SLC25A53: variants seen among roughly 807,000 people sequenced by gnomAD.
The protein encoded by SLC25A53 is mitochondrial carrier triple repeat protein 6.
Under a neutral mutation model 15.0 loss-of-function variants are expected in SLC25A53, and 5 were observed. The observed-to-expected ratio is 0.33, with a 90% CI of 0.17 to 0.70. SLC25A53 has a LOEUF of 0.70. Ranked by LOEUF, SLC25A53 falls within the 30% of genes least tolerant of loss-of-function variation. The probability of loss-of-function intolerance (pLI) is 0.67; values close to 1 mark genes in which losing one functional copy is unlikely to be tolerated. For synonymous variants in SLC25A53, 95 were observed against 100.0 expected, an observed-to-expected ratio of 0.95 and a Z score of 0.30; for missense variants, 216 against 241.6, an observed-to-expected ratio of 0.89 and a Z score of 0.70.
chrX:104,129,348 C>G (rs1195135429), intron 1 of SLC25A53, among the ~76,000 whole-genome samples: 1 of 111,618 alleles, frequency 9.0e-6, no homozygotes, highest in Admixed American at 9.6e-5. Flanking sequence ...AGCGTTATAA[C>G]TCATGCCTGA....
At chrX:104,146,840 G>A (rs1237780455) in intron 1 of SLC25A53, among the ~76,000 whole-genome samples, 3 of 110,911 alleles carry the variant, frequency 2.7e-5, no homozygotes, top group African/African-American at 6.6e-5. Context: ...ATGCTCATGG[G>A]TAGGAAGAAT....
rs1378107628 is a variant in SLC25A53, at chrX:104,100,387, A to G, written c.*3947T>C. ...TGTGTTTAAACAGATATAGATATTT[A>G]TTACCTCCTTATTTTATTGGTCTCA... On this transcript the variant is annotated 3_prime_UTR_variant, in exon 2 of 2. Coordinates refer to ENST00000594199, the MANE Select transcript of SLC25A53 (RefSeq NM_001012755.5). 1.8e-5 allele frequency: 2 copies of G among 111,585 alleles called. No homozygotes were observed. The highest frequency in any genetic ancestry group is 6.5e-5 in the African/African-American group (2 of 30,729). 9.2% of individuals were successfully genotyped at this position (111,585 alleles called of 1,213,427 possible).
In SLC25A53 at chrX:104,100,270, A is replaced by G. The variant is rs181037101; in HGVS notation, c.*4064T>C. ...GTAGTTTATATTTAGAGAAAAATAT[A>G]TATCACGCATATATTGTGTTGTATG... On this transcript the variant is annotated 3_prime_UTR_variant, in exon 2 of 2. Coordinates refer to ENST00000594199, the MANE Select transcript of SLC25A53 (RefSeq NM_001012755.5). 28 of 111,944 alleles carry G rather than the reference A, an allele frequency of 2.5e-4. No homozygotes were observed. Among genetic ancestry groups the G allele is most frequent in the African/African-American group, 8.1e-4 (25 of 30,910 alleles). 9.2% of individuals were successfully genotyped at this position (111,944 alleles called of 1,213,427 possible).
At chrX:104,135,790 A>G (rs2075435120) in intron 1 of SLC25A53, among the ~76,000 whole-genome samples, 1 of 111,974 alleles carries the variant, frequency 8.9e-6, no homozygotes, top group Admixed American at 9.6e-5. Context: ...TTAAATATCT[A>G]CTATGTACTG....
rs1317849266 is a variant in SLC25A53, at chrX:104,104,357, T to C, written c.901A>G (p.Arg301Gly). Residue 301 changes from arginine to glycine, a missense_variant, in exon 2 of 2, where the codon AGG (arginine) becomes GGG (glycine). By Grantham distance (125) the Arg-to-Gly change is moderately radical (BLOSUM62 -2). Coordinates refer to ENST00000594199, the MANE Select transcript of SLC25A53 (RefSeq NM_001012755.5). The part of the protein sequence containing the change: ...HDFLQRKSHS[R>G]KELKTD ...AGCTAGTCAGTCTTCAGCTCTTTCC[T>C]GGAGTGCGACTTCCTCTGCAGGAAG... 1 of 1,210,669 alleles carries C rather than the reference T, an allele frequency of 8.3e-7. No homozygotes were observed. The highest frequency in any genetic ancestry group is 1.7e-5 in the African/African-American group (1 of 57,753).
At chrX:104,150,364 G>T (rs2075481308) in intron 1 of SLC25A53, among the ~76,000 whole-genome samples, 1 of 111,478 alleles carries the variant, frequency 9.0e-6, no homozygotes. Flanking sequence ...CCAATAAGCT[G>T]CTGGACCCAG....
rs782412803 is a variant in SLC25A53 at position 104,114,717 on chromosome X, G to T, written c.-31-9429C>A. The T allele has an allele frequency of 7.4e-6, 9 of 1,211,940 alleles. No individual in the cohort carries two copies. The East Asian group carries it at 2.1e-4, about 28-fold the overall frequency. On this transcript the variant is annotated intron_variant, in intron 1 of 1. Coordinates refer to ENST00000594199, the MANE Select transcript of SLC25A53 (RefSeq NM_001012755.5). The stretch of plus-strand genomic sequence containing the variant: ...ATCTTCTCAGGATGTATGCAAATAA[G>T]CAGGAGCGGCTTCCCAATTTCCTGG...
chrX:104,115,397 T>C lies in SLC25A53; in HGVS notation c.-31-10109A>G, dbSNP rs2075373150. 9 of 992,255 alleles carry C rather than the reference T, an allele frequency of 9.1e-6. No individual in the cohort carries two copies. The African/African-American group carries it at 1.8e-4, about 20-fold the overall frequency. The allele number at this position is 992,255 out of a possible 1,213,427, so 81.8% of individuals were successfully genotyped here. ...TAATGGGAATAACAGGAGAGGGGGG[T>C]GGGTTTCTAACTGCATGAATTAATC... On this transcript the variant is annotated intron_variant, in intron 1 of 1. Coordinates refer to ENST00000594199, the MANE Select transcript of SLC25A53 (RefSeq NM_001012755.5).
At chrX:104,142,940 AG>A (rs2075455152) in intron 1 of SLC25A53, among the ~76,000 whole-genome samples, 1 of 108,004 alleles carries the variant, frequency 9.3e-6, no homozygotes, top group African/African-American at 3.4e-5. Flanking sequence ...AAAAAAAAAA[AG>A]AAGGCGGGTG....
rs181281018 is a variant in SLC25A53, at chrX:104,149,025, A to C, written c.-32+7853T>G. Among the ~76,000 whole-genome samples, 251 of 112,264 alleles carry C rather than the reference A, an allele frequency of 2.2e-3. 2 individuals are homozygous for C. Among genetic ancestry groups the C allele is most frequent in the Non-Finnish European group, 2.0e-3 (109 of 53,259 alleles). ...ATCTATAGATTTTTCATTTATCCACAGCAGTTTCATTTAGCATAATGGATA... is the reference window on the plus strand; with the variant it reads ...ATCTATAGATTTTTCATTTATCCACCGCAGTTTCATTTAGCATAATGGATA... On this transcript the variant is annotated intron_variant, in intron 1 of 1. Coordinates refer to ENST00000594199, the MANE Select transcript of SLC25A53 (RefSeq NM_001012755.5).
chrX:104,120,936 A>G (rs950945977), intron 1 of SLC25A53, among the ~76,000 whole-genome samples: 11 of 112,299 alleles, frequency 9.8e-5, no homozygotes, highest in Admixed American at 3.8e-4. Context: ...CTTTTTTCTC[A>G]TTTATTAGTT....
At chrX:104,122,309 T>G (rs1276912810) in intron 1 of SLC25A53, among the ~76,000 whole-genome samples, 7 of 79,409 alleles carry the variant, frequency 8.8e-5, no homozygotes, top group Admixed American at 3.5e-4. Context: ...TTTTTGTTTT[T>G]TTTTTTTGTT....
intron 1 of SLC25A53, among the ~76,000 whole-genome samples, chrX:104,149,222 C>A (rs1490607151): frequency 8.9e-6 from 1 of 112,409 alleles, no homozygotes; most frequent in Non-Finnish European, 1.9e-5. Context: ...TTATGTTAAC[C>A]AAACTCCCCA....
chrX:104,140,196 CA>C (rs2086251085), intron 1 of SLC25A53, among the ~76,000 whole-genome samples: 2 of 111,448 alleles, frequency 1.8e-5, no homozygotes, highest in African/African-American at 6.5e-5. Context: ...GATCAAGGCT[CA>C]GTGCCACCTG....
rs1372689424 is a variant in SLC25A53 at position 104,102,488 on chromosome X, T to A, written c.*1846A>T. The A allele has an allele frequency of 3.6e-5, 4 of 112,260 alleles. No homozygotes were observed. Among genetic ancestry groups the A allele is most frequent in the African/African-American group, 1.3e-4 (4 of 30,884 alleles). 9.3% of individuals were successfully genotyped at this position (112,260 alleles called of 1,213,427 possible). On this transcript the variant is annotated 3_prime_UTR_variant, in exon 2 of 2. Transcript: ENST00000594199. Reference sequence around the variant, plus strand: ...ATTTTTATTATTGTTATTATTATTATCAGTAGCAGCATCATTATCATTAGC... The same window carrying A: ...ATTTTTATTATTGTTATTATTATTAACAGTAGCAGCATCATTATCATTAGC...
chrX:104,132,402 T>C (rs2075427727), intron 1 of SLC25A53, among the ~76,000 whole-genome samples: 2 of 111,934 alleles, frequency 1.8e-5, no homozygotes, highest in Admixed American at 1.9e-4. Flanking sequence ...TCCTGAAACA[T>C]CAATTGCATT....
chrX:104,155,887 T>C (rs782765316), intron 1 of SLC25A53, among the ~76,000 whole-genome samples: 2 of 108,989 alleles, frequency 1.8e-5, no homozygotes, highest in African/African-American at 3.4e-5. Context: ...CTACTAAAAA[T>C]ATAAAAATAT....
chrX:104,127,964 AAAAAAAAC>A (rs1556364786), intron 1 of SLC25A53, among the ~76,000 whole-genome samples: 2 of 109,996 alleles, frequency 1.8e-5, no homozygotes, highest in African/African-American at 6.6e-5. Context: ...ACTCTGTCTC[AAAAAAAAC>A]AAAAAAACAA....
Position 104,101,308 on chromosome X carries a change from G to A in SLC25A53, c.*3026C>T, listed in dbSNP as rs782446293. On this transcript the variant is annotated 3_prime_UTR_variant, in exon 2 of 2. Coordinates refer to ENST00000594199, the MANE Select transcript of SLC25A53 (RefSeq NM_001012755.5). ...TTGGGGTTTTTATGGAAGCTTCATT[G>A]CGTAGGCATGATTGATTAAATCATT... 18 of 111,417 alleles carry A rather than the reference G, an allele frequency of 1.6e-4. No individual in the cohort carries two copies. The highest frequency in any genetic ancestry group is 2.8e-4 in the Non-Finnish European group (15 of 53,089). The allele number at this position is 111,417 out of a possible 1,213,427, so 9.2% of individuals were successfully genotyped here.
Sources: gnomAD v4.1 joint callset for allele counts (sites outside exome capture counted in the v4.1 genomes callset) on GRCh38, gnomAD v4.1.1 for gene constraint, MANE v1.5 for transcripts, NCBI Gene and HGNC (gene_info 2026-07-23, HGNC 2026-07-21) for gene names.